The following SLC45A2 variants were observed in gnomAD, a reference collection of about 807,000 sequenced individuals.
SLC45A2 encodes the protein membrane-associated transporter protein.
Under a neutral mutation model 45.5 loss-of-function variants are expected in SLC45A2, and 36 were observed. The observed-to-expected ratio is 0.79, with a 90% CI of 0.61 to 1.04. The LOEUF is 1.04. Ranked by LOEUF, SLC45A2 falls within the 50% of genes least tolerant of loss-of-function variation. SLC45A2 has a pLI of 0.00. For synonymous variants in SLC45A2, 306 were observed against 269.3 expected, an observed-to-expected ratio of 1.14 and a Z score of -1.33; for missense variants, 719 against 671.0, an observed-to-expected ratio of 1.07 and a Z score of -0.79.
At chr5:33,958,430 G>C (rs936090452) in intron 3 of SLC45A2, among the ~76,000 whole-genome samples, 32 of 152,170 alleles carry the variant, frequency 2.1e-4, no homozygotes, top group Non-Finnish European at 4.4e-4. Flanking sequence ...ACATTTGGAA[G>C]AGAAGTGCAA....
At chr5:33,980,209 C>G (rs977424220) in intron 2 of SLC45A2, among the ~76,000 whole-genome samples, 1 of 151,980 alleles carries the variant, frequency 6.6e-6, no homozygotes, top group Non-Finnish European at 1.5e-5. Context: ...AATCACCGAA[C>G]CCCCCTCCTA....
chr5:33,958,720 G>A (rs886743340), intron 3 of SLC45A2, among the ~76,000 whole-genome samples: 17 of 152,140 alleles, frequency 1.1e-4, no homozygotes, highest in African/African-American at 4.1e-4. Context: ...ATCATTCAGA[G>A]TCTACAACAT....
At chr5:33,956,544 G>T (rs1213379327) in intron 3 of SLC45A2, among the ~76,000 whole-genome samples, 1 of 152,176 alleles carries the variant, frequency 6.6e-6, no homozygotes, top group African/African-American at 2.4e-5. Context: ...AGTGTTTTGA[G>T]AAAGTTAGCC....
intron 5 of SLC45A2, 73 bp downstream of exon 5, chr5:33,951,481 T>C (rs771712992): frequency 3.7e-6 from 6 of 1,610,814 alleles, no homozygotes; most frequent in Non-Finnish European, 5.1e-6. Flanking sequence ...GAAATACACA[T>C]AGAAATATCA....
chr5:33,946,889 C>T (rs1030984892), intron 6 of SLC45A2: 1 of 1,396,404 alleles, frequency 7.2e-7, no homozygotes, highest in African/African-American at 1.4e-5. Flanking sequence ...CCTCACCAAG[C>T]CTTTTTCTAA....
Position 33,984,307 on chromosome 5 carries a change from C to G in SLC45A2, c.277G>C (p.Asp93His), listed in dbSNP as rs751978811. The G allele has an allele frequency of 6.2e-7, 1 of 1,614,070 alleles. No homozygotes were observed. The highest frequency in any genetic ancestry group is 8.5e-7 in the Non-Finnish European group (1 of 1,180,018). The change falls in exon 1 of 7, where the codon GAC (aspartate) becomes CAC (histidine). Residue 93 changes from aspartate to histidine, a missense_variant. Asp to His is a moderately conservative substitution (Grantham distance 81, BLOSUM62 -1). Transcript: ENST00000296589. ...CGGCCCCACCTGGACCGGCAGTGGT[C>G]GCTGGCCGATCCGACCACGGGCTGC... ...LLQPVVGSASDHCRSRWGRRR... is the reference protein window; with the variant it reads ...LLQPVVGSASHHCRSRWGRRR...
At chr5:33,959,018 A>G (rs1470198548) in intron 3 of SLC45A2, among the ~76,000 whole-genome samples, 1 of 152,126 alleles carries the variant, frequency 6.6e-6, no homozygotes, top group Non-Finnish European at 1.5e-5. Flanking sequence ...TCCCCAAATC[A>G]CCACATTATT....
intron 2 of SLC45A2, among the ~76,000 whole-genome samples, chr5:33,967,460 T>C (rs957326169): frequency 1.3e-5 from 2 of 152,290 alleles, no homozygotes; most frequent in African/African-American, 4.8e-5. Flanking sequence ...TGCATTTCTT[T>C]CAAGCTCACC....
At chr5:33,956,684 T>C (rs994675079) in intron 3 of SLC45A2, among the ~76,000 whole-genome samples, 4 of 152,194 alleles carry the variant, frequency 2.6e-5, no homozygotes, top group Admixed American at 2.6e-4. Context: ...TCTTTAGGCA[T>C]CAATCCCAGA....
chr5:33,971,182 A>G (rs941503290), intron 2 of SLC45A2: 5 of 530,886 alleles, frequency 9.4e-6, no homozygotes, highest in Non-Finnish European at 1.2e-5. Flanking sequence ...ACTAACTATC[A>G]TGAGATATTT....
In SLC45A2 at chr5:33,961,115, A is replaced by G. The variant is rs375936478; in HGVS notation, c.888+2576T>C. Reference sequence around the variant, plus strand: ...GTAATTAATAGCTATTGAATGAATAAAAGAATGCACAAGTGAATGAACCAA... The same window carrying G: ...GTAATTAATAGCTATTGAATGAATAGAAGAATGCACAAGTGAATGAACCAA... On this transcript the variant is annotated intron_variant, in intron 3 of 6. Transcript: ENST00000296589. Among the ~76,000 whole-genome samples the G allele has an allele frequency of 5.9e-5, 9 of 152,308 alleles. No homozygotes were observed. In the East Asian group the frequency reaches 1.7e-3, roughly 29 times the overall value.
At chr5:33,973,344 C>T (rs1442883745) in intron 2 of SLC45A2, among the ~76,000 whole-genome samples, 2 of 152,194 alleles carry the variant, frequency 1.3e-5, no homozygotes, top group East Asian at 1.9e-4. Flanking sequence ...TCCCTGTATC[C>T]TTGGTTTCTG....
intron 2 of SLC45A2, among the ~76,000 whole-genome samples, chr5:33,964,676 G>T (rs1203141297): frequency 6.6e-6 from 1 of 152,116 alleles, no homozygotes; most frequent in African/African-American, 2.4e-5. Context: ...CCAACCTGAG[G>T]TCTTTTTGGT....
At chr5:33,977,329 T>A (rs141748892) in intron 2 of SLC45A2, among the ~76,000 whole-genome samples, 1 of 152,168 alleles carries the variant, frequency 6.6e-6, no homozygotes, top group Non-Finnish European at 1.5e-5. Context: ...CAGGAGGAGA[T>A]GAAAATTCAG....
intron 2 of SLC45A2, among the ~76,000 whole-genome samples, chr5:33,974,701 C>T (rs141705677): frequency 5.3e-4 from 80 of 152,304 alleles, no homozygotes; most frequent in Middle Eastern, 3.4e-3. Flanking sequence ...TCTTTTAATG[C>T]AGTTTTTCAT....
In SLC45A2 at chr5:33,956,669, G is replaced by A. The variant is rs1452160274; in HGVS notation, c.889-2165C>T. Among the ~76,000 whole-genome samples the A allele has an allele frequency of 5.3e-5, 8 of 152,108 alleles. No individual in the cohort carries two copies. The East Asian group carries it at 1.5e-3, about 29-fold the overall frequency. ...GGGCAATGTTGTGATAATTTTGATG[G>A]AATATCTTTAGGCATCAATCCCAGA... is the stretch of plus-strand genomic sequence containing the variant. On this transcript the variant is annotated intron_variant, in intron 3 of 6. Transcript: ENST00000296589.
intron 2 of SLC45A2, among the ~76,000 whole-genome samples, chr5:33,975,518 C>A (rs532864898): frequency 1.3e-5 from 2 of 152,092 alleles, no homozygotes; most frequent in Admixed American, 1.3e-4. Flanking sequence ...TATAATTATC[C>A]TTTAATTATT....
chr5:33,950,545 G>A lies in SLC45A2; in HGVS notation c.1156+1009C>T, dbSNP rs138891424. Among the ~76,000 whole-genome samples the A allele has an allele frequency of 2.8e-3, 419 of 152,302 alleles. 2 individuals carry two copies. The highest frequency in any genetic ancestry group is 9.7e-3 in the African/African-American group (401 of 41,542). ...TAAATTTTTAAGAGGTCTTGAGGCA[G>A]GTTTCCTGCTGTGCTATGGCTAGGT... On this transcript the variant is annotated intron_variant, in intron 5 of 6. Coordinates refer to ENST00000296589, the MANE Select transcript of SLC45A2 (RefSeq NM_016180.5).
chr5:33,950,124 AGGCTGCAGT>A (rs1752056213), intron 5 of SLC45A2, among the ~76,000 whole-genome samples: 1 of 152,100 alleles, frequency 6.6e-6, no homozygotes, highest in South Asian at 2.1e-4. Context: ...CAGAAGGTTG[AGGCTGCAGT>A]GAGCCATGAT....
Sources: gnomAD v4.1 joint callset for allele counts (sites outside exome capture counted in the v4.1 genomes callset) on GRCh38, gnomAD v4.1.1 for gene constraint, MANE v1.5 for transcripts, NCBI Gene and HGNC (gene_info 2026-07-23, HGNC 2026-07-21) for gene names.